The following PIP5K1B variants were observed in gnomAD, a reference collection of about 807,000 sequenced individuals.
PIP5K1B encodes the protein phosphatidylinositol-4-phosphate 5-kinase type 1 beta, also known as phosphatidylinositol 4-phosphate 5-kinase type-1 beta.
In PIP5K1B, 42 loss-of-function variants were observed where a neutral mutation model predicts 67.0. The observed-to-expected ratio is 0.63, with a 90% CI of 0.49 to 0.81. The LOEUF (loss-of-function observed/expected upper bound fraction) is 0.81, where lower values mean the gene tolerates loss of function less well. Among genes scored for constraint, PIP5K1B ranks in the 30% least tolerant of loss-of-function variants. The probability of loss-of-function intolerance (pLI) is 0.00; values close to 1 mark genes in which losing one functional copy is unlikely to be tolerated. For synonymous variants in PIP5K1B, 214 were observed against 231.4 expected, an observed-to-expected ratio of 0.92 and a Z score of 0.68; for missense variants, 459 against 646.3, an observed-to-expected ratio of 0.71 and a Z score of 3.14.
At chr9:68,790,767 ACCTAT>A (rs1831920677) in intron 2 of PIP5K1B, among the ~76,000 whole-genome samples, 1 of 152,168 alleles carries the variant, frequency 6.6e-6, no homozygotes, top group Non-Finnish European at 1.5e-5. Flanking sequence ...CTATGCATAT[ACCTAT>A]GTAGGTACTA....
intron 14 of PIP5K1B, among the ~76,000 whole-genome samples, chr9:68,968,654 C>T (rs1262767858): frequency 6.6e-6 from 1 of 151,158 alleles, no homozygotes; most frequent in African/African-American, 2.4e-5. Flanking sequence ...TTTATCTTAG[C>T]ATGAAAATAC....
At chr9:68,768,047 T>C (rs1286864661) in intron 2 of PIP5K1B, among the ~76,000 whole-genome samples, 5 of 152,208 alleles carry the variant, frequency 3.3e-5, no homozygotes, top group Admixed American at 2.0e-4. Context: ...ATGCTGACTT[T>C]CACTGAAATT....
At chr9:68,872,312 C>T (rs1283133056) in intron 5 of PIP5K1B, among the ~76,000 whole-genome samples, 1 of 152,202 alleles carries the variant, frequency 6.6e-6, no homozygotes, top group African/African-American at 2.4e-5. Flanking sequence ...ACTCGTGCTC[C>T]CCTGACAAAT....
At chr9:68,951,533 G>A (rs1828067129) in intron 14 of PIP5K1B, among the ~76,000 whole-genome samples, 3 of 152,104 alleles carry the variant, frequency 2.0e-5, no homozygotes, top group African/African-American at 7.2e-5. Context: ...GTATTCGAAG[G>A]CCAGGTCAAA....
At chr9:68,765,731 T>C (rs1012908453) in intron 2 of PIP5K1B, among the ~76,000 whole-genome samples, 6 of 152,166 alleles carry the variant, frequency 3.9e-5, no homozygotes, top group African/African-American at 1.4e-4. Context: ...AAATGCAAAC[T>C]TAAAAAAGTG....
chr9:68,997,776 T>C (rs1830657829), intron 15 of PIP5K1B, among the ~76,000 whole-genome samples: 1 of 152,164 alleles, frequency 6.6e-6, no homozygotes, highest in Non-Finnish European at 1.5e-5. Context: ...AGCTTCAAAT[T>C]AATGAGGCAA....
chr9:68,863,948 G>A lies in PIP5K1B; in HGVS notation c.181G>A (p.Glu61Lys). The A allele has an allele frequency of 6.2e-7, 1 of 1,613,844 alleles. No homozygotes were observed. The highest frequency in any genetic ancestry group is 8.5e-7 in the Non-Finnish European group (1 of 1,179,810). ...DVLMQDFYVV[E>K]SVFLPSEGSN... ...TCTTATGCAAGACTTTTATGTGGTG[G>A]AAAGTGTGTTCCTACCCAGGTAAGA... The change falls in exon 5 of 16, where the codon GAA (glutamate) becomes AAA (lysine). Residue 61 changes from glutamate to lysine, a missense_variant. Physicochemically the swap from Glu to Lys is moderately conservative, Grantham distance 56 (BLOSUM62 1). Coordinates refer to ENST00000265382, the MANE Select transcript of PIP5K1B (RefSeq NM_003558.4).
At chr9:68,903,088 G>A (rs960667255) in intron 8 of PIP5K1B, among the ~76,000 whole-genome samples, 4 of 152,136 alleles carry the variant, frequency 2.6e-5, no homozygotes, top group Non-Finnish European at 5.9e-5. Context: ...ACAGCCATTG[G>A]TGTTGCTTCA....
chr9:68,896,977 T>A (rs769116337), intron 8 of PIP5K1B, among the ~76,000 whole-genome samples: 3 of 152,090 alleles, frequency 2.0e-5, no homozygotes, highest in Non-Finnish European at 4.4e-5. Flanking sequence ...TAGAGTTACC[T>A]CTCTCTCTCT....
At chr9:68,790,375 T>A (rs1418619096) in intron 2 of PIP5K1B, among the ~76,000 whole-genome samples, 1 of 152,268 alleles carries the variant, frequency 6.6e-6, no homozygotes, top group Non-Finnish European at 1.5e-5. Context: ...ATCATGTCCC[T>A]ACATTAGACA....
chr9:68,998,409 A>T (rs1161922132), intron 15 of PIP5K1B, among the ~76,000 whole-genome samples: 3 of 152,054 alleles, frequency 2.0e-5, no homozygotes, highest in African/African-American at 7.2e-5. Context: ...TTTTATTATT[A>T]TACATCCAGG....
intron 1 of PIP5K1B, among the ~76,000 whole-genome samples, chr9:68,737,981 A>G (rs1380021805): frequency 2.0e-5 from 3 of 152,238 alleles, no homozygotes; most frequent in Non-Finnish European, 4.4e-5. Flanking sequence ...ATGTTGGAGG[A>G]TGACAGAATA....
chr9:68,947,562 A>C (rs773195590), intron 14 of PIP5K1B, among the ~76,000 whole-genome samples: 59 of 152,202 alleles, frequency 3.9e-4, no homozygotes, highest in Non-Finnish European at 7.8e-4. Flanking sequence ...ACATGGAGCA[A>C]AAGCTAGATA....
At chr9:68,731,789 G>T (rs1012300409) in intron 1 of PIP5K1B, among the ~76,000 whole-genome samples, 2 of 152,208 alleles carry the variant, frequency 1.3e-5, no homozygotes, top group Non-Finnish European at 2.9e-5. Context: ...CTGGTACACA[G>T]GGCAAATGCA....
intron 2 of PIP5K1B, among the ~76,000 whole-genome samples, chr9:68,777,590 G>A (rs944719361): frequency 6.6e-6 from 1 of 152,174 alleles, no homozygotes; most frequent in Non-Finnish European, 1.5e-5. Context: ...AGCTCTACAA[G>A]GACAAGGGTA....
chr9:68,899,046 T>G (rs4745375), intron 8 of PIP5K1B, among the ~76,000 whole-genome samples: 113,978 of 152,158 alleles, frequency 0.75, 42,929 homozygotes, highest in East Asian at 0.98. Flanking sequence ...ATTCTCCAGA[T>G]GCGTTCTTCA....
At chr9:68,975,371 G>A (rs747926583) in intron 14 of PIP5K1B, among the ~76,000 whole-genome samples, 46 of 152,202 alleles carry the variant, frequency 3.0e-4, no homozygotes, top group Non-Finnish European at 4.7e-4. Flanking sequence ...ACCCAGCCAC[G>A]TCTTACTTTT....
At position 68,999,823 on chromosome 9, in the gene PIP5K1B, G is replaced by A. The variant is rs925189126; in HGVS notation, c.1620+8566G>A. 2.0e-5 allele frequency among the ~76,000 whole-genome samples: 3 copies of A among 152,220 alleles called. No homozygotes were observed. In the South Asian group the frequency reaches 6.2e-4, roughly 32 times the overall value. On this transcript the variant is annotated intron_variant, in intron 15 of 15. Coordinates refer to ENST00000265382, the MANE Select transcript of PIP5K1B (RefSeq NM_003558.4). Reference sequence around the variant, plus strand: ...AGCAAGCCCTCTACTGCCACCTACTGATAATCAAGGCGGGGAAGGAGTGAT... The same window carrying A: ...AGCAAGCCCTCTACTGCCACCTACTAATAATCAAGGCGGGGAAGGAGTGAT...
At chr9:68,883,407 G>A (rs1343516445) in intron 6 of PIP5K1B, among the ~76,000 whole-genome samples, 1 of 152,216 alleles carries the variant, frequency 6.6e-6, no homozygotes, top group Non-Finnish European at 1.5e-5. Flanking sequence ...CAAGAAGCAA[G>A]GCTAACAGAA....
Sources: allele counts gnomAD v4.1 joint callset (sites outside exome capture counted in the v4.1 genomes callset), GRCh38; gene constraint gnomAD v4.1.1; transcripts MANE v1.5; gene names NCBI Gene and HGNC (gene_info 2026-07-23, HGNC 2026-07-21).